LRRTM4: variants seen among roughly 807,000 people sequenced by gnomAD.
The protein encoded by LRRTM4 is leucine rich repeat transmembrane neuronal 4, also known as leucine-rich repeat transmembrane neuronal protein 4.
LRRTM4 carries 25 observed loss-of-function variants against 47.6 expected under a neutral mutation model. That is an observed-to-expected ratio of 0.53 (90% confidence interval 0.38 to 0.73). The LOEUF is 0.73. Ranked by LOEUF, LRRTM4 falls within the 30% of genes least tolerant of loss-of-function variation. LRRTM4 has a pLI of 0.00. For synonymous variants in LRRTM4, 311 were observed against 269.5 expected (o/e 1.15, Z -1.51); for missense variants, 638 against 713.4 (o/e 0.89, Z 1.20).
chr2:77,391,026 T>C (rs933097465), intron 3 of LRRTM4, among the ~76,000 whole-genome samples: 3 of 151,978 alleles, frequency 2.0e-5, no homozygotes, highest in African/African-American at 7.2e-5. Context: ...AAGGAGCTTA[T>C]TTTTGGGGAG....
chr2:77,458,566 C>A (rs151337911), intron 3 of LRRTM4, among the ~76,000 whole-genome samples: 2 of 151,628 alleles, frequency 1.3e-5, no homozygotes, highest in Non-Finnish European at 2.9e-5. Context: ...AATCCATTTG[C>A]ACTTTCCATC....
chr2:77,243,833 A>C (rs1675344013), intron 3 of LRRTM4, among the ~76,000 whole-genome samples: 1 of 143,622 alleles, frequency 7.0e-6, no homozygotes, highest in African/African-American at 2.6e-5. Context: ...GGTTAGTTAC[A>C]TATGTATACA....
chr2:77,450,824 C>T (rs1676227029), intron 3 of LRRTM4, among the ~76,000 whole-genome samples: 3 of 152,078 alleles, frequency 2.0e-5, no homozygotes, highest in Admixed American at 2.0e-4. Flanking sequence ...ACAGCCCCAT[C>T]TATTTTATAT....
At chr2:76,758,939 T>C (rs1196368792) in intron 3 of LRRTM4, among the ~76,000 whole-genome samples, 1 of 152,170 alleles carries the variant, frequency 6.6e-6, no homozygotes, top group Non-Finnish European at 1.5e-5. Context: ...GAACAAAACA[T>C]AAATGAATGA....
At chr2:76,889,158 G>C (rs115883750) in intron 3 of LRRTM4, among the ~76,000 whole-genome samples, 2,730 of 151,778 alleles carry the variant, frequency 0.018, 72 homozygotes, top group African/African-American at 0.058. Flanking sequence ...ATTTGATTTT[G>C]CACTTGATTA....
chr2:76,841,338 A>C (rs1671675786), intron 3 of LRRTM4, among the ~76,000 whole-genome samples: 1 of 151,870 alleles, frequency 6.6e-6, no homozygotes, highest in Non-Finnish European at 1.5e-5. Context: ...TGACGAGTTA[A>C]TGGGTGCAGC....
At chr2:77,095,044 C>T (rs11126586) in intron 3 of LRRTM4, among the ~76,000 whole-genome samples, 59,140 of 151,934 alleles carry the variant, frequency 0.39, 13,102 homozygotes, top group East Asian at 0.7. Flanking sequence ...AGGCTAGTAT[C>T]CAAAATATGT....
Position 77,351,173 on chromosome 2 carries a change from T to A in LRRTM4, c.1551+167145A>T, listed in dbSNP as rs377347312. 4.8e-4 allele frequency among the ~76,000 whole-genome samples: 73 copies of A among 152,196 alleles called. 1 individual carries two copies. The South Asian group carries it at 0.015, about 31-fold the overall frequency. ...ACTTATAAGTGAAAACATATAGTAT[T>A]TGGTTTTCCATTTCTGCATTTGTTT... is the stretch of plus-strand genomic sequence containing the variant. On this transcript the variant is annotated intron_variant, in intron 3 of 3. Coordinates refer to ENST00000409884, the MANE Select transcript of LRRTM4 (RefSeq NM_001134745.3).
chr2:77,003,473 T>A (rs549598105), intron 3 of LRRTM4, among the ~76,000 whole-genome samples: 9 of 152,126 alleles, frequency 5.9e-5, no homozygotes, highest in African/African-American at 1.9e-4. Flanking sequence ...TTTCTTGTGA[T>A]AGTGAGTAAG....
At chr2:77,064,351 G>GTA (rs531993721) in intron 3 of LRRTM4, among the ~76,000 whole-genome samples, 26 of 152,118 alleles carry the variant, frequency 1.7e-4, no homozygotes, top group Admixed American at 1.5e-3. Context: ...ATTTATTGTG[G>GTA]TATATATATA....
At chr2:77,207,494 G>A (rs1215858188) in intron 3 of LRRTM4, among the ~76,000 whole-genome samples, 2 of 151,604 alleles carry the variant, frequency 1.3e-5, no homozygotes, top group African/African-American at 4.9e-5. Context: ...TGTCATCAGA[G>A]TGAGCTTATA....
chr2:76,793,015 T>C (rs571279070), intron 3 of LRRTM4, among the ~76,000 whole-genome samples: 2 of 152,302 alleles, frequency 1.3e-5, no homozygotes, highest in East Asian at 3.9e-4. Context: ...TTTCTACTAC[T>C]ACTCTGAAAA....
At chr2:77,244,091 G>GA (rs1278609242) in intron 3 of LRRTM4, among the ~76,000 whole-genome samples, 2 of 133,198 alleles carry the variant, frequency 1.5e-5, no homozygotes, top group African/African-American at 5.9e-5. Context: ...CCCTACAAAG[G>GA]ACATGAACTC....
At chr2:76,886,699 C>A (rs928472620) in intron 3 of LRRTM4, among the ~76,000 whole-genome samples, 1 of 151,724 alleles carries the variant, frequency 6.6e-6, no homozygotes, top group Non-Finnish European at 1.5e-5. Flanking sequence ...TTAAGAATAA[C>A]CACTTAGAAA....
At chr2:77,316,271 C>T (rs1677615045) in intron 3 of LRRTM4, among the ~76,000 whole-genome samples, 1 of 152,082 alleles carries the variant, frequency 6.6e-6, no homozygotes, top group Non-Finnish European at 1.5e-5. Flanking sequence ...AAGCACTTTA[C>T]AGAATGATGC....
chr2:76,980,322 G>A (rs1055354174), intron 3 of LRRTM4, among the ~76,000 whole-genome samples: 1 of 152,020 alleles, frequency 6.6e-6, no homozygotes, highest in South Asian at 2.1e-4. Context: ...CTGTAGCATT[G>A]TAACAAGTTA....
intron 3 of LRRTM4, among the ~76,000 whole-genome samples, chr2:77,376,294 T>A (rs1672837839): frequency 6.6e-6 from 1 of 151,784 alleles, no homozygotes; most frequent in African/African-American, 2.4e-5. Flanking sequence ...ATAACTCTTA[T>A]CTAATTTCCC....
At chr2:77,354,004 A>G (rs1459240633) in intron 3 of LRRTM4, among the ~76,000 whole-genome samples, 1 of 152,196 alleles carries the variant, frequency 6.6e-6, no homozygotes, top group Non-Finnish European at 1.5e-5. Context: ...ACTCAGAGGC[A>G]GTTCTGTAGT....
chr2:77,480,497 G>A (rs1421451613), intron 3 of LRRTM4, among the ~76,000 whole-genome samples: 3 of 152,138 alleles, frequency 2.0e-5, no homozygotes, highest in African/African-American at 7.2e-5. Flanking sequence ...GGTTAATGTT[G>A]AGTGCACACT....
Sources: gnomAD v4.1 joint callset for allele counts (sites outside exome capture counted in the v4.1 genomes callset) on GRCh38, gnomAD v4.1.1 for gene constraint, MANE v1.5 for transcripts, NCBI Gene and HGNC (gene_info 2026-07-23, HGNC 2026-07-21) for gene names.